The following SAMD4A variants were observed in gnomAD, a reference collection of about 807,000 sequenced individuals.
The protein encoded by SAMD4A is sterile alpha motif domain containing 4A.
In SAMD4A, 33 loss-of-function variants were observed where a neutral mutation model predicts 81.3. The ratio of observed to expected loss-of-function variants is 0.41; its 90% CI spans 0.31 to 0.54. SAMD4A has a LOEUF of 0.54. Ranked by LOEUF, SAMD4A falls within the 20% of genes least tolerant of loss-of-function variation. The pLI is 0.37. For synonymous variants in SAMD4A, 389 were observed against 382.1 expected (o/e 1.02, Z -0.21); for missense variants, 854 against 951.1 (o/e 0.90, Z 1.34).
rs142587230 is a variant in SAMD4A at position 54,611,325 on chromosome 14, C to T, written c.196+43213C>T. Reference sequence around the variant, plus strand: ...CAGTGGCCTTCACAGCTTGACAGAGCGCTTCATTCTGCTGAATGAGCAACA... The same window carrying T: ...CAGTGGCCTTCACAGCTTGACAGAGTGCTTCATTCTGCTGAATGAGCAACA... On this transcript the variant is annotated intron_variant, in intron 2 of 12. Coordinates refer to ENST00000554335, the MANE Select transcript of SAMD4A (RefSeq NM_015589.6). Among the ~76,000 whole-genome samples the T allele has an allele frequency of 1.1e-3, 161 of 152,248 alleles. 2 individuals are homozygous for T. Among genetic ancestry groups the T allele is most frequent in the African/African-American group, 3.5e-3 (144 of 41,540 alleles).
At chr14:54,784,662 G>A (rs374988826) in intron 12 of SAMD4A, 42 bp downstream of exon 12, 12 of 1,548,746 alleles carry the variant, frequency 7.7e-6, no homozygotes, top group African/African-American at 2.7e-5. Context: ...CCCTGTTACC[G>A]TGTGCCTGGG....
At chr14:54,788,113 C>T (rs2039187180) in intron 12 of SAMD4A, among the ~76,000 whole-genome samples, 1 of 152,202 alleles carries the variant, frequency 6.6e-6, no homozygotes, top group South Asian at 2.1e-4. Context: ...CTGTTCAGTT[C>T]TAAGTGCCCA....
chr14:54,608,402 A>G (rs1362236743), intron 2 of SAMD4A, among the ~76,000 whole-genome samples: 1 of 152,224 alleles, frequency 6.6e-6, no homozygotes, highest in African/African-American at 2.4e-5. Context: ...TTTGTTATAT[A>G]CTGCCTAATT....
chr14:54,731,435 G>A (rs1455116352), intron 3 of SAMD4A, among the ~76,000 whole-genome samples: 1 of 152,192 alleles, frequency 6.6e-6, no homozygotes, highest in African/African-American at 2.4e-5. Flanking sequence ...TGGACACACA[G>A]CATACATCAC....
intron 2 of SAMD4A, among the ~76,000 whole-genome samples, chr14:54,646,310 G>A (rs1183731563): frequency 6.6e-6 from 1 of 152,194 alleles, no homozygotes; most frequent in Non-Finnish European, 1.5e-5. Context: ...GAGGCCTAAT[G>A]GCTTCTCTGT....
Position 54,792,415 on chromosome 14 carries a change from T to G in SAMD4A, c.*3471T>G, listed in dbSNP as rs1387359643. On this transcript the variant is annotated 3_prime_UTR_variant, in exon 13 of 13. Coordinates refer to ENST00000554335, the MANE Select transcript of SAMD4A (RefSeq NM_015589.6). ...GGATGGGAGCCTTCTCCGGATCTTT[T>G]GTTCTTCTGCACCTCTTGTAGCTAC... 6.6e-6 allele frequency: 1 copy of G among 152,262 alleles called. No homozygotes were observed. The allele number at this position is 152,262 out of a possible 1,614,324, so 9.4% of individuals were successfully genotyped here.
chr14:54,706,102 C>T (rs1365874996), intron 3 of SAMD4A, among the ~76,000 whole-genome samples: 3 of 151,980 alleles, frequency 2.0e-5, no homozygotes, highest in Non-Finnish European at 4.4e-5. Context: ...AATCCCAACA[C>T]TTTGGGAGGC....
intron 2 of SAMD4A, among the ~76,000 whole-genome samples, chr14:54,685,274 GCCC>G (rs11323277): frequency 3.6e-5 from 5 of 140,252 alleles, no homozygotes; most frequent in Admixed American, 7.3e-5. Flanking sequence ...CATTCTTCCT[GCCC>G]CCCCCCCCAG....
rs960050585 is a variant in SAMD4A at position 54,567,700 on chromosome 14, C to T, written c.-217C>T. On this transcript the variant is annotated 5_prime_UTR_variant, in exon 2 of 13. Transcript: ENST00000554335. ...ACATTTCCGTGCTACTGTCTGTCATCGTCTCTGGGGAAATCAGCCAGAACC... is the reference window on the plus strand; with the variant it reads ...ACATTTCCGTGCTACTGTCTGTCATTGTCTCTGGGGAAATCAGCCAGAACC... The T allele has an allele frequency of 1.9e-5, 9 of 465,198 alleles. No individual in the cohort carries two copies. The highest frequency in any genetic ancestry group is 1.7e-4 in the African/African-American group (8 of 48,184). 28.8% of individuals were successfully genotyped at this position (465,198 alleles called of 1,614,324 possible).
chr14:54,589,307 A>G (rs2033711795), intron 2 of SAMD4A, among the ~76,000 whole-genome samples: 1 of 152,182 alleles, frequency 6.6e-6, no homozygotes, highest in Non-Finnish European at 1.5e-5. Flanking sequence ...CAAAGATGAT[A>G]GTTCTCTGAT....
chr14:54,606,371 A>C (rs1312797056), intron 2 of SAMD4A, among the ~76,000 whole-genome samples: 1 of 152,174 alleles, frequency 6.6e-6, no homozygotes, highest in East Asian at 1.9e-4. Context: ...GATGTTTACA[A>C]GCTGTTTGCA....
At chr14:54,662,414 A>ATT (rs1270433183) in intron 2 of SAMD4A, among the ~76,000 whole-genome samples, 5 of 118,670 alleles carry the variant, frequency 4.2e-5, no homozygotes, top group African/African-American at 1.6e-4. Context: ...TTTTTTTTTC[A>ATT]TTTTTTTTTT....
chr14:54,672,025 T>C (rs1042637604), intron 2 of SAMD4A, among the ~76,000 whole-genome samples: 2 of 141,728 alleles, frequency 1.4e-5, no homozygotes, highest in Non-Finnish European at 3.0e-5. Flanking sequence ...ATAGTGTTTT[T>C]TTTTTTTTTT....
At chr14:54,604,384 T>A (rs1433754540) in intron 2 of SAMD4A, among the ~76,000 whole-genome samples, 3 of 152,210 alleles carry the variant, frequency 2.0e-5, no homozygotes, top group Non-Finnish European at 4.4e-5. Context: ...ATTCAGGTGA[T>A]GGGAAGAGGC....
intron 3 of SAMD4A, among the ~76,000 whole-genome samples, chr14:54,704,439 T>C (rs1046307824): frequency 2.0e-5 from 3 of 152,264 alleles, no homozygotes; most frequent in Admixed American, 6.5e-5. Flanking sequence ...TGGGTCATTA[T>C]ATATTTCTAT....
At chr14:54,752,157 G>A (rs17127886) in intron 6 of SAMD4A, among the ~76,000 whole-genome samples, 3,320 of 152,302 alleles carry the variant, frequency 0.022, 53 homozygotes, top group Middle Eastern at 0.092. Flanking sequence ...TTATTCCAAC[G>A]TTAAAAGCAG....
At chr14:54,685,575 A>T (rs961009141) in intron 2 of SAMD4A, 48 of 419,114 alleles carry the variant, frequency 1.1e-4, no homozygotes, top group South Asian at 5.3e-4. Context: ...GTACGCTAGT[A>T]CTTGTTCGTA....
chr14:54,661,347 A>C (rs1346186910), intron 2 of SAMD4A, among the ~76,000 whole-genome samples: 1 of 152,290 alleles, frequency 6.6e-6, no homozygotes, highest in South Asian at 2.1e-4. Context: ...GATTTCTTTG[A>C]TGCCTTTTTA....
chr14:54,767,009 T>C (rs2038563540), intron 8 of SAMD4A, among the ~76,000 whole-genome samples: 1 of 152,148 alleles, frequency 6.6e-6, no homozygotes, highest in Admixed American at 6.5e-5. Flanking sequence ...GGGCCTCTCG[T>C]GGCTGGGGGC....
Sources: allele counts gnomAD v4.1 joint callset (sites outside exome capture counted in the v4.1 genomes callset), GRCh38; gene constraint gnomAD v4.1.1; transcripts MANE v1.5; gene names NCBI Gene and HGNC (gene_info 2026-07-23, HGNC 2026-07-21).